Variants in JRK observed in about 807,000 individuals in gnomAD.
The protein encoded by JRK is Jrk helix-turn-helix protein, also known as jerky protein homolog.
For missense variants in JRK, 720 were observed against 509.2 expected, an observed-to-expected ratio of 1.41 and a Z score of -3.98; for synonymous variants, 303 against 218.1, an observed-to-expected ratio of 1.39 and a Z score of -3.43.
rs1846952031 is a variant in JRK at position 142,662,641 on chromosome 8, CATAG to C, written c.*1707_*1710del. Reference sequence around the variant, plus strand: ...AAGCAAGAAACACACACTTCCAGGACATAGATAGGGCTCTGTCAGCAATGACTTT... The same window carrying C: ...AAGCAAGAAACACACACTTCCAGGACATAGGGCTCTGTCAGCAATGACTTT... On this transcript the variant is annotated 3_prime_UTR_variant, in exon 2 of 2. Coordinates refer to ENST00000612905, the MANE Select transcript of JRK (RefSeq NM_003724.4). The C allele has an allele frequency of 3.1e-5, 31 of 985,234 alleles. No individual in the cohort carries two copies. The highest frequency in any genetic ancestry group is 3.7e-5 in the Non-Finnish European group (31 of 829,940). 61.0% of individuals were successfully genotyped at this position (985,234 alleles called of 1,614,324 possible). A position where few individuals can be genotyped will look rare whatever the true frequency, so the allele number is the denominator to read the frequency against.
At position 142,664,357 on chromosome 8, in the gene JRK, T is replaced by C. The variant is rs1352606412; in HGVS notation, c.1702A>G (p.Asn568Asp). The C allele has an allele frequency of 2.2e-5, 34 of 1,557,264 alleles. No homozygotes were observed. Among genetic ancestry groups the C allele is most frequent in the Non-Finnish European group, 2.7e-5 (31 of 1,148,276 alleles). ...PLPCSSTAGD[N>D] ...AGGGCAGGGCAGAGAAGCCATCAGT[T>C]GTCACCTGCTGTGGATGAGCAGGGC... Residue 568 changes from asparagine to aspartate, a missense_variant, in exon 2 of 2, where the codon AAC becomes GAC. Transcript: ENST00000612905.
At position 142,659,193 on chromosome 8, in the gene JRK, T is replaced by C. The variant is rs2129691353; in HGVS notation, c.*5159A>G. On this transcript the variant is annotated 3_prime_UTR_variant, in exon 2 of 2. Transcript: ENST00000612905. ...TCATGGTCACCCCAGAGGACAGGCC[T>C]TCCTTTCACACACATCAGAAATAGG... 1.6e-6 allele frequency: 2 copies of C among 1,234,058 alleles called. No individual in the cohort carries two copies. The highest frequency in any genetic ancestry group is 2.0e-6 in the Non-Finnish European group (2 of 979,824). The allele number at this position is 1,234,058 out of a possible 1,614,324, so 76.4% of individuals were successfully genotyped here.
At chr8:142,656,800 G>A (rs372100871), downstream of JRK, among the ~76,000 whole-genome samples, 15 of 152,150 alleles carry the variant, frequency 9.9e-5, no homozygotes, top group East Asian at 3.9e-4. Context: ...GGAGCTGAGC[G>A]TTTGGTGGGA....
In JRK at chr8:142,661,130, G is replaced by A. The variant is rs1846902239; in HGVS notation, c.*3222C>T. 2.0e-6 allele frequency: 2 copies of A among 985,376 alleles called. No homozygotes were observed. Among genetic ancestry groups the A allele is most frequent in the African/African-American group, 1.7e-5 (1 of 57,248 alleles). 61.0% of individuals were successfully genotyped at this position (985,376 alleles called of 1,614,324 possible). A position where few individuals can be genotyped will look rare whatever the true frequency, so the allele number is the denominator to read the frequency against. On this transcript the variant is annotated 3_prime_UTR_variant, in exon 2 of 2. Transcript: ENST00000612905. ...CACGAATGAAGCATATGGAAGTCAC[G>A]CACAGACAGGCCCAGGGCAAGGTCT...
At chr8:142,644,376 T>C in the JRK span, among the ~76,000 whole-genome samples, 1 of 152,112 alleles carries the variant, frequency 6.6e-6, no homozygotes, top group Non-Finnish European at 1.5e-5. Context: ...CACTAAGTCT[T>C]ATCAGAATTA....
At position 142,658,980 on chromosome 8, in the gene JRK, C is replaced by T. The variant is rs1445928679; in HGVS notation, c.*5372G>A. On this transcript the variant is annotated 3_prime_UTR_variant, in exon 2 of 2. Transcript: ENST00000612905. ...AGAACTTTGCTGCTTCATGGAGGAGCGTCAGTATGTCCACACCATAGGGGT... is the reference window on the plus strand; with the variant it reads ...AGAACTTTGCTGCTTCATGGAGGAGTGTCAGTATGTCCACACCATAGGGGT... 2.5e-6 allele frequency: 4 copies of T among 1,601,162 alleles called. No homozygotes were observed. The highest frequency in any genetic ancestry group is 3.4e-5 in the Admixed American group (2 of 58,086).
chr8:142,649,294 A>T, the JRK span, among the ~76,000 whole-genome samples: 1 of 152,172 alleles, frequency 6.6e-6, no homozygotes, highest in Non-Finnish European at 1.5e-5. Flanking sequence ...GGGCAGAATG[A>T]TAGGGTTTGG....
At chr8:142,647,526 TA>T in the JRK span, among the ~76,000 whole-genome samples, 3 of 152,146 alleles carry the variant, frequency 2.0e-5, no homozygotes, top group African/African-American at 7.2e-5. Context: ...TTGATGGTTT[TA>T]AAAATGGGAG....
chr8:142,667,232 G>C (rs895188592), intron 1 of JRK, among the ~76,000 whole-genome samples: 20 of 152,196 alleles, frequency 1.3e-4, no homozygotes, highest in Admixed American at 3.9e-4. Context: ...GCGTCTACAA[G>C]GAGCCGCAGC....
downstream of JRK, among the ~76,000 whole-genome samples, chr8:142,656,714 C>T (rs587707719): frequency 6.6e-6 from 1 of 152,316 alleles, no homozygotes; most frequent in African/African-American, 2.4e-5. Context: ...GAATGTGGAG[C>T]TCTCTGTTCT....
downstream of JRK, among the ~76,000 whole-genome samples, chr8:142,656,523 G>C (rs1305574320): frequency 6.7e-6 from 1 of 148,562 alleles, no homozygotes; most frequent in African/African-American, 2.5e-5. Context: ...CCTTTGAAGG[G>C]ATAGTTCCTG....
downstream of JRK, among the ~76,000 whole-genome samples, chr8:142,655,354 C>T (rs191758446): frequency 2.8e-4 from 43 of 152,326 alleles, no homozygotes; most frequent in South Asian, 6.8e-3. Flanking sequence ...TGGCCCCACA[C>T]GAATCAGACA....
Position 142,664,195 on chromosome 8 carries a change from G to A in JRK, c.*157C>T, listed in dbSNP as rs587657462. On this transcript the variant is annotated 3_prime_UTR_variant, in exon 2 of 2. Transcript: ENST00000612905. Reference sequence around the variant, plus strand: ...GGAACCTCGGGCACAGACCGTCCTGGGCACCCGAGCCACACCCGTGGGCGA... The same window carrying A: ...GGAACCTCGGGCACAGACCGTCCTGAGCACCCGAGCCACACCCGTGGGCGA... 2.1e-6 allele frequency: 3 copies of A among 1,398,480 alleles called. No individual in the cohort carries two copies. Among genetic ancestry groups the A allele is most frequent in the South Asian group, 1.9e-5 (1 of 53,994 alleles). 86.6% of individuals were successfully genotyped at this position (1,398,480 alleles called of 1,614,324 possible). A position where few individuals can be genotyped will look rare whatever the true frequency, so the allele number is the denominator to read the frequency against.
intron 1 of JRK, among the ~76,000 whole-genome samples, chr8:142,669,293 T>C (rs1441154927): frequency 6.9e-6 from 1 of 144,682 alleles, no homozygotes; most frequent in African/African-American, 2.6e-5. Flanking sequence ...GAGCTGGGGG[T>C]CAGAAGGAGA....
In JRK at chr8:142,658,761, G is replaced by A; in HGVS notation, c.*5591C>T. The stretch of plus-strand genomic sequence containing the variant: ...TTAACACCATCGTCATGGAGATGGA[G>A]GCCACAGACCTACCAACACCCATAA... On this transcript the variant is annotated 3_prime_UTR_variant, in exon 2 of 2. Coordinates refer to ENST00000612905, the MANE Select transcript of JRK (RefSeq NM_003724.4). 6.6e-6 allele frequency: 10 copies of A among 1,519,808 alleles called. No individual in the cohort carries two copies. The South Asian group carries it at 1.2e-4, about 19-fold the overall frequency. 94.1% of individuals were successfully genotyped at this position (1,519,808 alleles called of 1,614,324 possible).
In JRK at chr8:142,661,126, T is replaced by G; in HGVS notation, c.*3226A>C. The G allele has an allele frequency of 3.0e-6, 3 of 985,450 alleles. No individual in the cohort carries two copies. The South Asian group carries it at 1.4e-4, about 46-fold the overall frequency. The allele number at this position is 985,450 out of a possible 1,614,324, so 61.0% of individuals were successfully genotyped here. On this transcript the variant is annotated 3_prime_UTR_variant, in exon 2 of 2. Transcript: ENST00000612905. ...TGAGCACGAATGAAGCATATGGAAG[T>G]CACGCACAGACAGGCCCAGGGCAAG...
chr8:142,659,710 C>G lies in JRK; in HGVS notation c.*4642G>C. The G allele has an allele frequency of 2.0e-6, 2 of 985,516 alleles. No individual in the cohort carries two copies. Among genetic ancestry groups the G allele is most frequent in the Non-Finnish European group, 2.4e-6 (2 of 829,972 alleles). The allele number at this position is 985,516 out of a possible 1,614,324, so 61.0% of individuals were successfully genotyped here. ...ACAGTTGGTAAAGGAGTGTTTTCACCTCTGTTTACAGTTGAGTGCACTGCT... is the reference window on the plus strand; with the variant it reads ...ACAGTTGGTAAAGGAGTGTTTTCACGTCTGTTTACAGTTGAGTGCACTGCT... On this transcript the variant is annotated 3_prime_UTR_variant, in exon 2 of 2. Coordinates refer to ENST00000612905, the MANE Select transcript of JRK (RefSeq NM_003724.4).
chr8:142,662,680 A>G lies in JRK; in HGVS notation c.*1672T>C, dbSNP rs587682099. 1 of 985,448 alleles carries G rather than the reference A, an allele frequency of 1.0e-6. No individual in the cohort carries two copies. The highest frequency in any genetic ancestry group is 4.7e-5 in the South Asian group (1 of 21,284). 61.0% of individuals were successfully genotyped at this position (985,448 alleles called of 1,614,324 possible). ...TGTCAGCAATGACTTTTGCCCCTGT[A>G]TCTACAGAGATGTGAAAGTACGAGA... On this transcript the variant is annotated 3_prime_UTR_variant, in exon 2 of 2. Transcript: ENST00000612905.
At chr8:142,652,097 C>T in the JRK span, among the ~76,000 whole-genome samples, 15 of 152,120 alleles carry the variant, frequency 9.9e-5, no homozygotes, top group African/African-American at 2.9e-4. Flanking sequence ...GGGGGTGCTT[C>T]CAGGCCTCAG....
Sources: gnomAD v4.1 joint callset for allele counts (sites outside exome capture counted in the v4.1 genomes callset) on GRCh38, gnomAD v4.1.1 for gene constraint, MANE v1.5 for transcripts, NCBI Gene and HGNC (gene_info 2026-07-23, HGNC 2026-07-21) for gene names.